VPS13B: variants seen among roughly 807,000 people sequenced by gnomAD.
VPS13B encodes the protein intermembrane lipid transfer protein VPS13B.
VPS13B carries 285 observed loss-of-function variants against 426.4 expected under a neutral mutation model. The ratio of observed to expected loss-of-function variants is 0.67; its 90% CI spans 0.61 to 0.74. The LOEUF (loss-of-function observed/expected upper bound fraction) is 0.74, where lower values mean the gene tolerates loss of function less well. Among genes scored for constraint, VPS13B ranks in the 30% least tolerant of loss-of-function variants. VPS13B has a pLI of 0.00. For missense variants in VPS13B, 4,537 were observed against 4,782.6 expected (o/e 0.95, Z 1.51); for synonymous variants, 1,676 against 1,676.4 (o/e 1.00, Z 0.01).
chr8:99,286,217 A>G (rs1819434666), intron 19 of VPS13B, among the ~76,000 whole-genome samples: 1 of 152,212 alleles, frequency 6.6e-6, no homozygotes, highest in African/African-American at 2.4e-5. Context: ...GTCCAAAGGA[A>G]ATTATTTTTG....
intron 23 of VPS13B, among the ~76,000 whole-genome samples, chr8:99,451,812 A>G (rs1448189481): frequency 1.3e-5 from 2 of 152,220 alleles, no homozygotes; most frequent in African/African-American, 4.8e-5. Context: ...GAGTTTGCTG[A>G]AGATGTCCTA....
At chr8:99,307,160 A>G (rs1051344953) in intron 19 of VPS13B, among the ~76,000 whole-genome samples, 2 of 152,104 alleles carry the variant, frequency 1.3e-5, no homozygotes, top group Non-Finnish European at 2.9e-5. Context: ...TTGATAGAGA[A>G]TGGTAATAAT....
chr8:99,622,914 T>C lies in VPS13B; in HGVS notation c.5221-18897T>C, dbSNP rs151036649. Among the ~76,000 whole-genome samples, 1,441 of 152,298 alleles carry C rather than the reference T, an allele frequency of 9.5e-3. 24 individuals carry two copies. Among genetic ancestry groups the C allele is most frequent in the African/African-American group, 0.033 (1,356 of 41,564 alleles). On this transcript the variant is annotated intron_variant, in intron 33 of 61. Transcript: ENST00000357162. ...TTCACTGTTTGTCTCTCTTCCAAGT[T>C]ACCATCATCTCTCACCTAGATTACT... is the stretch of plus-strand genomic sequence containing the variant.
At chr8:99,606,762 G>T (rs1827614428) in intron 33 of VPS13B, among the ~76,000 whole-genome samples, 1 of 151,696 alleles carries the variant, frequency 6.6e-6, no homozygotes, top group African/African-American at 2.4e-5. Context: ...CGAAGTAGTG[G>T]GATTACAGGC....
intron 45 of VPS13B, 133 bp downstream of exon 45, chr8:99,817,936 T>G: frequency 7.4e-7 from 1 of 1,358,552 alleles, no homozygotes; most frequent in Non-Finnish European, 1.0e-6. Flanking sequence ...CTTTGAATAG[T>G]ACTTCTCAAA....
intron 33 of VPS13B, among the ~76,000 whole-genome samples, chr8:99,630,242 A>G (rs1588567110): frequency 6.6e-6 from 1 of 152,188 alleles, no homozygotes; most frequent in East Asian, 1.9e-4. Flanking sequence ...TTTCAACCAC[A>G]TCTTCTGTTG....
chr8:99,074,439 C>T (rs1466094015), intron 3 of VPS13B, among the ~76,000 whole-genome samples: 1 of 149,414 alleles, frequency 6.7e-6, no homozygotes, highest in Admixed American at 6.7e-5. Context: ...AACCGGGAGG[C>T]AGAGCTTGCA....
intron 21 of VPS13B, among the ~76,000 whole-genome samples, chr8:99,397,261 T>C (rs1473535364): frequency 6.6e-6 from 1 of 152,184 alleles, no homozygotes; most frequent in Non-Finnish European, 1.5e-5. Flanking sequence ...TTCTCCTGCC[T>C]CAGCCTCTTG....
At chr8:99,812,186 T>C (rs1477286497) in intron 44 of VPS13B, among the ~76,000 whole-genome samples, 1 of 152,196 alleles carries the variant, frequency 6.6e-6, no homozygotes, top group Non-Finnish European at 1.5e-5. Context: ...CTCACTCAGA[T>C]ACACACACCC....
At chr8:99,544,522 TA>T (rs1229630226) in intron 30 of VPS13B, among the ~76,000 whole-genome samples, 1 of 152,192 alleles carries the variant, frequency 6.6e-6, no homozygotes, top group African/African-American at 2.4e-5. Context: ...GTAATTATTA[TA>T]CTTATTGAAT....
chr8:99,829,670 G>C (rs889183883), intron 51 of VPS13B, among the ~76,000 whole-genome samples: 1 of 152,218 alleles, frequency 6.6e-6, no homozygotes, highest in Non-Finnish European at 1.5e-5. Flanking sequence ...TGGAGGAGAA[G>C]AGGCATTCTG....
intron 3 of VPS13B, among the ~76,000 whole-genome samples, chr8:99,088,715 A>G (rs867376739): frequency 6.6e-6 from 1 of 152,160 alleles, no homozygotes; most frequent in Non-Finnish European, 1.5e-5. Flanking sequence ...TTATTCTCCC[A>G]TTCATAAGTT....
intron 21 of VPS13B, among the ~76,000 whole-genome samples, chr8:99,394,669 T>C (rs1480025544): frequency 6.6e-6 from 1 of 152,180 alleles, no homozygotes; most frequent in African/African-American, 2.4e-5. Context: ...TAATTTGGAA[T>C]TCTTGATGAA....
chr8:99,700,907 T>C (rs1247777923), intron 36 of VPS13B, among the ~76,000 whole-genome samples: 1 of 151,954 alleles, frequency 6.6e-6, no homozygotes, highest in Non-Finnish European at 1.5e-5. Flanking sequence ...CTTTAATTTG[T>C]GGGGGGAAAT....
At chr8:99,409,700 A>T (rs1017725590) in intron 21 of VPS13B, among the ~76,000 whole-genome samples, 2 of 152,200 alleles carry the variant, frequency 1.3e-5, no homozygotes, top group Non-Finnish European at 2.9e-5. Context: ...TTAAATGCAG[A>T]TCAAGTAAAC....
At chr8:99,597,398 G>A (rs913285552) in intron 33 of VPS13B, among the ~76,000 whole-genome samples, 4 of 151,954 alleles carry the variant, frequency 2.6e-5, no homozygotes, top group Non-Finnish European at 4.4e-5. Flanking sequence ...TACCACTGTC[G>A]TATGAAGAAA....
At chr8:99,313,617 G>T (rs950312543) in intron 19 of VPS13B, among the ~76,000 whole-genome samples, 31 of 152,276 alleles carry the variant, frequency 2.0e-4, no homozygotes, top group African/African-American at 7.2e-4. Flanking sequence ...CAGGGGTCAT[G>T]GACCCACTTG....
intron 25 of VPS13B, among the ~76,000 whole-genome samples, chr8:99,495,219 A>C (rs567048909): frequency 6.6e-6 from 1 of 152,322 alleles, no homozygotes; most frequent in African/African-American, 2.4e-5. Context: ...ACTAACTCAC[A>C]TTATGATTAA....
chr8:99,639,655 T>C (rs987708238), intron 33 of VPS13B, among the ~76,000 whole-genome samples: 1 of 148,654 alleles, frequency 6.7e-6, no homozygotes, highest in Non-Finnish European at 1.5e-5. Flanking sequence ...TGCATATATA[T>C]ATATTATTAT....
Sources: gnomAD v4.1 joint callset for allele counts (sites outside exome capture counted in the v4.1 genomes callset) on GRCh38, gnomAD v4.1.1 for gene constraint, MANE v1.5 for transcripts, NCBI Gene and HGNC (gene_info 2026-07-23, HGNC 2026-07-21) for gene names.